BEND5: variants seen among roughly 807,000 people sequenced by gnomAD.
BEND5 encodes BEN domain containing 5, also known as BEN domain-containing protein 5.
A neutral mutation model predicts 43.9 loss-of-function variants in BEND5; 22 were observed. The ratio of observed to expected loss-of-function variants is 0.50; its 90% CI spans 0.36 to 0.72. The LOEUF is 0.72. Ranked by LOEUF, BEND5 falls within the 30% of genes least tolerant of loss-of-function variation. BEND5 has a pLI of 0.00. For synonymous variants in BEND5, 228 were observed against 225.9 expected, an observed-to-expected ratio of 1.01 and a Z score of -0.08; for missense variants, 428 against 550.6, an observed-to-expected ratio of 0.78 and a Z score of 2.23.
intron 2 of BEND5, among the ~76,000 whole-genome samples, chr1:48,759,890 C>G (rs1299795508): frequency 6.6e-6 from 1 of 152,220 alleles, no homozygotes; most frequent in Admixed American, 6.5e-5. Context: ...CCTACTCACT[C>G]AGAACTGGCA....
chr1:48,742,811 G>A, intron 3 of BEND5, 40 bp from the exon 4 acceptor site: 2 of 1,453,278 alleles, frequency 1.4e-6, no homozygotes, highest in Non-Finnish European at 9.1e-7. Context: ...GAACTCCAAG[G>A]AAAATAAAAG....
At chr1:48,732,915 C>G (rs1019052134) in intron 5 of BEND5, among the ~76,000 whole-genome samples, 13 of 152,180 alleles carry the variant, frequency 8.5e-5, no homozygotes, top group African/African-American at 3.1e-4. Context: ...AAATCCCCAG[C>G]GTGCAGAACA....
chr1:48,762,984 C>T (rs373738088), intron 1 of BEND5, among the ~76,000 whole-genome samples: 4 of 151,966 alleles, frequency 2.6e-5, no homozygotes, highest in South Asian at 2.1e-4. Flanking sequence ...CGCAACCCAC[C>T]GAACAGTGCC....
At chr1:48,758,869 G>A in intron 3 of BEND5, 31 bp downstream of exon 3, 1 of 1,469,176 alleles carries the variant, frequency 6.8e-7, no homozygotes. Flanking sequence ...TCACCCAAGT[G>A]GAGTGGTAGG....
intron 1 of BEND5, among the ~76,000 whole-genome samples, chr1:48,775,322 C>T (rs372017834): frequency 2.6e-5 from 4 of 152,166 alleles, no homozygotes; most frequent in Non-Finnish European, 4.4e-5. Context: ...TCAGAGGCAA[C>T]ATGAGTTGTG....
chr1:48,763,734 T>C (rs1425325313), intron 1 of BEND5, among the ~76,000 whole-genome samples: 1 of 152,204 alleles, frequency 6.6e-6, no homozygotes, highest in East Asian at 1.9e-4. Context: ...CACAAAACCA[T>C]GTTAACATCT....
intron 3 of BEND5, among the ~76,000 whole-genome samples, chr1:48,750,254 C>T (rs1226516300): frequency 2.6e-5 from 4 of 152,162 alleles, no homozygotes; most frequent in Non-Finnish European, 5.9e-5. Context: ...CCCCCATGAA[C>T]CACCTGTAGG....
intron 3 of BEND5, among the ~76,000 whole-genome samples, chr1:48,758,034 A>G (rs535104471): frequency 6.6e-6 from 1 of 152,314 alleles, no homozygotes; most frequent in Non-Finnish European, 1.5e-5. Context: ...CGGCAGTCAA[A>G]GCTGCTGCCT....
chr1:48,758,836 G>C lies in BEND5; in HGVS notation c.745+64C>G, dbSNP rs1253657839. ...TCTCCCTCTCCCCTTTCCCTTCCTG[G>C]AAGAGGATCTGCATGAAGTATTTCA... On this transcript the variant is annotated intron_variant, in intron 3 of 5. Coordinates refer to ENST00000371833, the MANE Select transcript of BEND5 (RefSeq NM_024603.4). The C allele has an allele frequency of 8.7e-6, 12 of 1,385,562 alleles. No homozygotes were observed. The Admixed American group carries it at 2.7e-4, about 32-fold the overall frequency. The allele number at this position is 1,385,562 out of a possible 1,614,324, so 85.8% of individuals were successfully genotyped here.
At chr1:48,732,634 A>T (rs993173624) in intron 5 of BEND5, among the ~76,000 whole-genome samples, 1 of 152,122 alleles carries the variant, frequency 6.6e-6, no homozygotes, top group African/African-American at 2.4e-5. Context: ...GTAGCAACAG[A>T]AAGGACCTGG....
At chr1:48,775,764 C>G (rs1033052886) in intron 1 of BEND5, among the ~76,000 whole-genome samples, 66 of 152,334 alleles carry the variant, frequency 4.3e-4, no homozygotes, top group African/African-American at 1.6e-3. Flanking sequence ...AACCTCAGTA[C>G]CCTCATCTAC....
rs35739038 is a variant in BEND5 at position 48,758,025 on chromosome 1, G to A, written c.745+875C>T. On this transcript the variant is annotated intron_variant, in intron 3 of 5. Transcript: ENST00000371833. Reference sequence around the variant, plus strand: ...TCTCTGGTAAGCAGTCATTTCTTCCGGCAGTCAAAGCTGCTGCCTTTCAGG... The same window carrying A: ...TCTCTGGTAAGCAGTCATTTCTTCCAGCAGTCAAAGCTGCTGCCTTTCAGG... Among the ~76,000 whole-genome samples the A allele has an allele frequency of 2.7e-3, 415 of 152,132 alleles. 2 individuals are homozygous for A. Among genetic ancestry groups the A allele is most frequent in the Middle Eastern group, 0.01 (3 of 294 alleles).
Position 48,759,297 on chromosome 1 carries a change from A to G in BEND5, c.361-13T>C, listed in dbSNP as rs1170972980. ...GCCCCTCAGGTCTCTGTGTAGGACA[A>G]CGAGAATCAGTTCAGGCAAGGGCAG... On this transcript the variant is annotated splice_polypyrimidine_tract_variant and intron_variant, in intron 2 of 5. Coordinates refer to ENST00000371833, the MANE Select transcript of BEND5 (RefSeq NM_024603.4). The G allele has an allele frequency of 6.4e-7, 1 of 1,550,558 alleles. No homozygotes were observed. Among genetic ancestry groups the G allele is most frequent in the Admixed American group, 2.0e-5 (1 of 50,924 alleles).
At chr1:48,729,529 G>C (rs1409234597) in intron 5 of BEND5, among the ~76,000 whole-genome samples, 1 of 152,174 alleles carries the variant, frequency 6.6e-6, no homozygotes, top group Non-Finnish European at 1.5e-5. Context: ...AATTGTCTCA[G>C]AGATGCAGAA....
At chr1:48,762,613 TTTGTG>T (rs1553227893) in intron 1 of BEND5, among the ~76,000 whole-genome samples, 5 of 73,722 alleles carry the variant, frequency 6.8e-5, no homozygotes, top group African/African-American at 2.1e-4. Context: ...CTTTAAGGGT[TTTGTG>T]TGTGTGTGTG....
rs139859091 is a variant in BEND5, at chr1:48,756,720, C to G, written c.745+2180G>C. On this transcript the variant is annotated intron_variant, in intron 3 of 5. Transcript: ENST00000371833. ...TGGAAGTTGGCACATTAGCATCCTC[C>G]TATTAACATGTGTTAATCAATAGAC... 2.1e-3 allele frequency among the ~76,000 whole-genome samples: 317 copies of G among 152,318 alleles called. 1 individual carries two copies. Among genetic ancestry groups the G allele is most frequent in the South Asian group, 0.017 (83 of 4,830 alleles).
At chr1:48,755,705 G>A (rs1652444460) in intron 3 of BEND5, among the ~76,000 whole-genome samples, 1 of 152,120 alleles carries the variant, frequency 6.6e-6, no homozygotes, top group South Asian at 2.1e-4. Context: ...GACTTTCCAA[G>A]AGAGACTTCT....
chr1:48,760,565 T>C (rs1020683969), intron 2 of BEND5, among the ~76,000 whole-genome samples: 6 of 152,322 alleles, frequency 3.9e-5, no homozygotes, highest in East Asian at 1.9e-4. Flanking sequence ...GTGAGACCCC[T>C]GGAGGCAAGG....
At chr1:48,743,562 C>G (rs1331964350) in intron 3 of BEND5, among the ~76,000 whole-genome samples, 1 of 152,174 alleles carries the variant, frequency 6.6e-6, no homozygotes, top group East Asian at 1.9e-4. Context: ...AGAACAACTT[C>G]AAAGGCCCAC....
Sources: allele counts gnomAD v4.1 joint callset (sites outside exome capture counted in the v4.1 genomes callset), GRCh38; gene constraint gnomAD v4.1.1; transcripts MANE v1.5; gene names NCBI Gene and HGNC (gene_info 2026-07-23, HGNC 2026-07-21).